Variants in EIF4G2 observed in about 807,000 individuals in gnomAD.
EIF4G2 encodes the protein eukaryotic translation initiation factor 4 gamma 2.
In EIF4G2, 8 loss-of-function variants were observed where a neutral mutation model predicts 117.7. That is an observed-to-expected ratio of 0.07 (90% CI 0.04 to 0.12). The LOEUF (loss-of-function observed/expected upper bound fraction) is 0.12, where lower values mean the gene tolerates loss of function less well. Among genes scored for constraint, EIF4G2 ranks in the 10% least tolerant of loss-of-function variants. The pLI is 1.00. For synonymous variants in EIF4G2, 413 were observed against 367.8 expected (o/e 1.12, Z -1.41); for missense variants, 812 against 1,086.2 (o/e 0.75, Z 3.55).
At chr11:10,806,936 A>G (rs1847591489) in intron 2 of EIF4G2, 51 bp from the exon 3 acceptor site, 2 of 1,464,220 alleles carry the variant, frequency 1.4e-6, no homozygotes, top group Non-Finnish European at 1.8e-6. Context: ...GTCTCACTCA[A>G]AAAGAATAAG....
intron 1 of EIF4G2, chr11:10,808,050 G>A (rs1268252313): frequency 1.9e-5 from 20 of 1,043,834 alleles, no homozygotes; most frequent in Non-Finnish European, 2.3e-5. Context: ...AGGAGCAGCT[G>A]AGGCCACCCC....
At chr11:10,804,459 C>A (rs1437350057) in intron 5 of EIF4G2, 41 bp from the exon 6 acceptor site, 1 of 1,537,032 alleles carries the variant, frequency 6.5e-7, no homozygotes, top group Admixed American at 2.2e-5. Flanking sequence ...ATGAAAACTT[C>A]TCCAAGAACC....
Position 10,800,619 on chromosome 11 carries a change from C to A in EIF4G2, c.1673G>T (p.Ser558Ile), listed in dbSNP as rs752734916. Reference sequence around the variant, plus strand: ...ATTGACAGCCTCATTTGCATTTCCACTATTTAGATATTCAGTCACAACAGT... The same window carrying A: ...ATTGACAGCCTCATTTGCATTTCCAATATTTAGATATTCAGTCACAACAGT... Residue 558 changes from serine (S) to isoleucine (I), a missense_variant, in exon 17 of 22, where the codon AGT becomes ATT. Coordinates refer to ENST00000339995, the MANE Select transcript of EIF4G2 (RefSeq NM_001418.4). 22 of 1,614,176 alleles carry A rather than the reference C, an allele frequency of 1.4e-5. No homozygotes were observed. Among genetic ancestry groups the A allele is most frequent in the Non-Finnish European group, 1.5e-5 (18 of 1,180,028 alleles).
intron 1 of EIF4G2, chr11:10,808,398 C>T: frequency 3.2e-6 from 4 of 1,252,000 alleles, no homozygotes; most frequent in Non-Finnish European, 4.1e-6. Flanking sequence ...AGCCACGCTC[C>T]CTCGCCGTCC....
At chr11:10,806,917 C>T (rs367954273) in intron 2 of EIF4G2, 32 bp from the exon 3 acceptor site, 17 of 1,597,362 alleles carry the variant, frequency 1.1e-5, no homozygotes, top group Middle Eastern at 1.6e-4. Context: ...TTTACTGTAT[C>T]CCAACTATGT....
At chr11:10,802,955 G>A (rs1207577567) in intron 11 of EIF4G2, 75 bp downstream of exon 11, 5 of 1,327,438 alleles carry the variant, frequency 3.8e-6, no homozygotes, top group Non-Finnish European at 5.3e-6. Context: ...AGCGTTTGGG[G>A]TGGGTGAGGA....
At position 10,797,630 on chromosome 11, in the gene EIF4G2, G is replaced by A. The variant is rs929349380; in HGVS notation, c.*186C>T. On this transcript the variant is annotated 3_prime_UTR_variant, in exon 22 of 22. Coordinates refer to ENST00000339995, the MANE Select transcript of EIF4G2 (RefSeq NM_001418.4). This position sits in a 1 kb window ranked among gnomAD's most constrained non-coding sequence, Gnocchi z 4.5. The stretch of plus-strand genomic sequence containing the variant: ...AAAGATACTCCTAAAATATTTGATG[G>A]TAGACTATGATTAAGACATTACACT... 1 of 611,860 alleles carries A rather than the reference G, an allele frequency of 1.6e-6. No individual in the cohort carries two copies. Among genetic ancestry groups the A allele is most frequent in the Admixed American group, 3.1e-5 (1 of 32,610 alleles). The allele number at this position is 611,860 out of a possible 1,614,324, so 37.9% of individuals were successfully genotyped here.
rs1408620469 is a variant in EIF4G2, at chr11:10,803,968, G to T, written c.633C>A (p.Ile211=). ...GCTTGCCAAGCTCTCCAATGAATTTGATGTTTCCCAACATCTTGATCTTAG... is the reference window on the plus strand; with the variant it reads ...GCTTGCCAAGCTCTCCAATGAATTTTATGTTTCCCAACATCTTGATCTTAG... The change falls in exon 8 of 22, where the codon ATC becomes ATA. Residue 211 remains isoleucine, a synonymous_variant. Coordinates refer to ENST00000339995, the MANE Select transcript of EIF4G2 (RefSeq NM_001418.4). The surrounding 1 kb of genome is among the most constrained non-coding windows in gnomAD (Gnocchi z 4.0). The T allele has an allele frequency of 6.2e-7, 1 of 1,614,010 alleles. No homozygotes were observed. The highest frequency in any genetic ancestry group is 8.5e-7 in the Non-Finnish European group (1 of 1,180,044).
rs764222490 is a variant in EIF4G2 at position 10,799,393 on chromosome 11, G to C, written c.2356C>G (p.Pro786Ala). Residue 786 changes from proline to alanine, a missense_variant, in exon 20 of 22, where the codon CCC (proline) becomes GCC (alanine). This residue lies in a region of EIF4G2 where 571 missense variants were observed against 642.3 expected (regional missense o/e 0.89). Coordinates refer to ENST00000339995, the MANE Select transcript of EIF4G2 (RefSeq NM_001418.4). ...GATGAATCTGTTTCATCGCTGGGGG[G>C]GTTTACTTCACTAGAAATGTACTGT... The C allele has an allele frequency of 1.9e-6, 3 of 1,611,876 alleles. No homozygotes were observed. Among genetic ancestry groups the C allele is most frequent in the Middle Eastern group, 1.6e-4 (1 of 6,062 alleles).
At position 10,803,757 on chromosome 11, in the gene EIF4G2, C is replaced by T. The variant is rs1314893515; in HGVS notation, c.702+142G>A. The T allele has an allele frequency of 1.6e-6, 2 of 1,219,954 alleles. No individual in the cohort carries two copies. Among genetic ancestry groups the T allele is most frequent in the African/African-American group, 3.0e-5 (2 of 65,844 alleles). 75.6% of individuals were successfully genotyped at this position (1,219,954 alleles called of 1,614,324 possible). A position where few individuals can be genotyped will look rare whatever the true frequency, so the allele number is the denominator to read the frequency against. On this transcript the variant is annotated intron_variant, in intron 8 of 21. Coordinates refer to ENST00000339995, the MANE Select transcript of EIF4G2 (RefSeq NM_001418.4). This position sits in a 1 kb window ranked among gnomAD's most constrained non-coding sequence, Gnocchi z 4.0. The stretch of plus-strand genomic sequence containing the variant: ...AGTTCTAACTCTACTTTGTCAAACA[C>T]ACCACGTATTTCAAATTATTCTGTT...
intron 5 of EIF4G2, 53 bp from the exon 6 acceptor site, chr11:10,804,471 T>A (rs1363612190): frequency 2.6e-6 from 4 of 1,525,064 alleles, no homozygotes; most frequent in Non-Finnish European, 3.5e-6. Context: ...CCAAGAACCC[T>A]TCCTTTAGGA....
Position 10,799,430 on chromosome 11 carries a change from C to CAGAA in EIF4G2, c.2325-10_2325-7dup. On this transcript the variant is annotated splice_polypyrimidine_tract_variant and splice_region_variant and intron_variant, in intron 19 of 21. Transcript: ENST00000339995. ...TAGAAATGTACTGTAAGAAGCTGGA[C>CAGAA]AGAAAGAGGTCTTGTTAGAACCCAA... 6.2e-7 allele frequency: 1 copy of CAGAA among 1,611,688 alleles called. No individual in the cohort carries two copies. Among genetic ancestry groups the CAGAA allele is most frequent in the African/African-American group, 1.3e-5 (1 of 75,040 alleles).
Position 10,803,006 on chromosome 11 carries a change from A to C in EIF4G2, c.996+24T>G. The C allele has an allele frequency of 5.0e-6, 8 of 1,601,320 alleles. No individual in the cohort carries two copies. The highest frequency in any genetic ancestry group is 6.0e-6 in the Non-Finnish European group (7 of 1,172,950). On this transcript the variant is annotated intron_variant, in intron 11 of 21. Coordinates refer to ENST00000339995, the MANE Select transcript of EIF4G2 (RefSeq NM_001418.4). This position sits in a 1 kb window ranked among gnomAD's most constrained non-coding sequence, Gnocchi z 4.0. Reference sequence around the variant, plus strand: ...TCTACACACACAGAGTCTATGTGACAAACAAAACAAAACCCAATCTTACTT... The same window carrying C: ...TCTACACACACAGAGTCTATGTGACCAACAAAACAAAACCCAATCTTACTT...
At chr11:10,805,162 G>T (rs1847528534) in intron 4 of EIF4G2, 147 bp from the exon 5 acceptor site, 2 of 663,746 alleles carry the variant, frequency 3.0e-6, no homozygotes, top group South Asian at 1.9e-5. Flanking sequence ...AAACCAAAGG[G>T]ATGCTGAAAT....
At chr11:10,799,966 T>TA in intron 18 of EIF4G2, 124 bp downstream of exon 18, 1 of 1,194,226 alleles carries the variant, frequency 8.4e-7, no homozygotes, top group Non-Finnish European at 1.2e-6. Flanking sequence ...AGATCTGTGG[T>TA]AATGTTTATC....
intron 2 of EIF4G2, 151 bp downstream of exon 2, chr11:10,807,104 T>G (rs928384623): frequency 4.8e-6 from 6 of 1,253,380 alleles, no homozygotes; most frequent in Non-Finnish European, 4.5e-6. Flanking sequence ...TATTTATTCT[T>G]CAGATGGCAG....
intron 1 of EIF4G2, chr11:10,807,631 G>A (rs1028236617): frequency 3.3e-5 from 36 of 1,087,580 alleles, no homozygotes; most frequent in Admixed American, 2.1e-4. Flanking sequence ...CGAATCTTTT[G>A]AAAAAGCCAC....
intron 1 of EIF4G2, 66 bp from the exon 2 acceptor site, chr11:10,807,447 T>C (rs1254016983): frequency 6.2e-6 from 9 of 1,456,736 alleles, no homozygotes; most frequent in Non-Finnish European, 8.1e-6. Context: ...CTTCATTCAA[T>C]TACAACGTAT....
Position 10,803,690 on chromosome 11 carries a change from C to T in EIF4G2, c.703-100G>A, listed in dbSNP as rs1295357349. 19 of 1,199,620 alleles carry T rather than the reference C, an allele frequency of 1.6e-5. No individual in the cohort carries two copies. The highest frequency in any genetic ancestry group is 4.5e-5 in the African/African-American group (3 of 66,422). The allele number at this position is 1,199,620 out of a possible 1,614,324, so 74.3% of individuals were successfully genotyped here. ...GTTTGCACTGACTCATTCACAGTTC[C>T]TACAGAATCTAGTATAGGGCTTTCT... On this transcript the variant is annotated intron_variant, in intron 8 of 21. Coordinates refer to ENST00000339995, the MANE Select transcript of EIF4G2 (RefSeq NM_001418.4). The surrounding 1 kb of genome is among the most constrained non-coding windows in gnomAD (Gnocchi z 4.0).
Sources: gnomAD v4.1 joint callset for allele counts on GRCh38, gnomAD v4.1.1 for gene constraint, gnomAD v4.1.1 regional missense constraint, Gnocchi (gnomAD v3.1) non-coding constraint, MANE v1.5 for transcripts, NCBI Gene and HGNC (gene_info 2026-07-23, HGNC 2026-07-21) for gene names.